NHS: variants seen among roughly 807,000 people sequenced by gnomAD.
The protein encoded by NHS is actin remodeling regulator NHS.
Under a neutral mutation model 72.5 loss-of-function variants are expected in NHS, and 5 were observed. That is an observed-to-expected ratio of 0.07 (90% confidence interval 0.04 to 0.14). The LOEUF is 0.14. NHS is among the 10% of genes least tolerant of loss of function. The probability of loss-of-function intolerance (pLI) is 1.00; values close to 1 mark genes in which losing one functional copy is unlikely to be tolerated. For missense variants in NHS, 1,072 were observed against 1,355.7 expected, an observed-to-expected ratio of 0.79 and a Z score of 3.29; for synonymous variants, 464 against 547.7, an observed-to-expected ratio of 0.85 and a Z score of 2.13.
chrX:17,433,837 A>G (rs1331394978), intron 1 of NHS, among the ~76,000 whole-genome samples: 3 of 112,091 alleles, frequency 2.7e-5, no homozygotes, highest in African/African-American at 9.8e-5. Context: ...GTTTTGGTAA[A>G]TTGGTGCAGT....
At chrX:17,662,369 T>G (rs758864573) in intron 1 of NHS, among the ~76,000 whole-genome samples, 2 of 111,598 alleles carry the variant, frequency 1.8e-5, no homozygotes, top group Non-Finnish European at 3.8e-5. Flanking sequence ...TCCCCCAAAG[T>G]TGTATTTTGT....
chrX:17,702,635 C>T (rs1295522056), intron 3 of NHS, among the ~76,000 whole-genome samples: 2 of 111,075 alleles, frequency 1.8e-5, no homozygotes, highest in South Asian at 3.8e-4. Flanking sequence ...TGCAGTGAGC[C>T]GAGATTGCAC....
chrX:17,427,612 C>A (rs1193354224), intron 1 of NHS, among the ~76,000 whole-genome samples: 1 of 112,046 alleles, frequency 8.9e-6, no homozygotes. Context: ...AAAGCACAAG[C>A]TATGTGAAGG....
chrX:17,676,358 G>A (rs962428506), intron 1 of NHS, among the ~76,000 whole-genome samples: 8 of 111,323 alleles, frequency 7.2e-5, no homozygotes, highest in African/African-American at 2.3e-4. Context: ...CATCTTCATG[G>A]GTGCATTGCC....
intron 1 of NHS, among the ~76,000 whole-genome samples, chrX:17,513,469 G>A (rs1186220561): frequency 1.8e-5 from 2 of 112,449 alleles, no homozygotes; most frequent in Non-Finnish European, 3.8e-5. Context: ...CAGGCTGCAA[G>A]TTCAATGTTT....
chrX:17,639,438 T>A (rs1441044923), intron 1 of NHS, among the ~76,000 whole-genome samples: 2 of 111,293 alleles, frequency 1.8e-5, no homozygotes, highest in African/African-American at 6.5e-5. Context: ...CAAGATCAAG[T>A]GGTTGCATCT....
At chrX:17,602,262 G>A (rs1292070665) in intron 1 of NHS, among the ~76,000 whole-genome samples, 2 of 112,111 alleles carry the variant, frequency 1.8e-5, no homozygotes, top group Non-Finnish European at 1.9e-5. Flanking sequence ...GCATTCCTTG[G>A]TGAACTAGGT....
At chrX:17,637,394 C>T (rs1289931739) in intron 1 of NHS, among the ~76,000 whole-genome samples, 4 of 111,219 alleles carry the variant, frequency 3.6e-5, no homozygotes, top group South Asian at 7.7e-4. Flanking sequence ...AGGGACTGGG[C>T]GGGGGTGGTG....
chrX:17,504,852 G>A (rs191429743), intron 1 of NHS, among the ~76,000 whole-genome samples: 21 of 111,731 alleles, frequency 1.9e-4, no homozygotes, highest in African/African-American at 5.5e-4. Flanking sequence ...TAAAATACAT[G>A]TACACTGTTA....
At chrX:17,543,412 C>T (rs1169598163) in intron 1 of NHS, among the ~76,000 whole-genome samples, 1 of 112,092 alleles carries the variant, frequency 8.9e-6, no homozygotes, top group African/African-American at 3.2e-5. Flanking sequence ...GAAAAACTAA[C>T]ATAACTAGGA....
chrX:17,413,015 C>T (rs2064569377), intron 1 of NHS, among the ~76,000 whole-genome samples: 1 of 112,287 alleles, frequency 8.9e-6, no homozygotes, highest in East Asian at 2.8e-4. Flanking sequence ...TTGTCAGCCT[C>T]CGATCTTAAC....
At chrX:17,523,838 A>T (rs772185666) in intron 1 of NHS, among the ~76,000 whole-genome samples, 1 of 112,085 alleles carries the variant, frequency 8.9e-6, no homozygotes, top group Admixed American at 9.4e-5. Flanking sequence ...TAAAGAGTTG[A>T]ACCATGGCCC....
intron 1 of NHS, among the ~76,000 whole-genome samples, chrX:17,505,023 T>G (rs767180788): frequency 8.1e-5 from 9 of 111,264 alleles, no homozygotes; most frequent in Admixed American, 1.9e-4. Flanking sequence ...TGTGTGTGTG[T>G]GTGAATATAT....
At chrX:17,407,338 T>G (rs1413297218) in intron 1 of NHS, among the ~76,000 whole-genome samples, 1 of 111,388 alleles carries the variant, frequency 9.0e-6, no homozygotes, top group Non-Finnish European at 1.9e-5. Flanking sequence ...CTTCTCCAAT[T>G]GCTTGATTTT....
At chrX:17,441,967 G>A (rs950067106) in intron 1 of NHS, among the ~76,000 whole-genome samples, 4 of 112,076 alleles carry the variant, frequency 3.6e-5, no homozygotes, top group African/African-American at 1.3e-4. Context: ...TAAACAAGAT[G>A]TTTGGGCTCA....
At chrX:17,479,477 A>G (rs2146908818) in intron 1 of NHS, among the ~76,000 whole-genome samples, 1 of 112,543 alleles carries the variant, frequency 8.9e-6, no homozygotes, top group African/African-American at 3.2e-5. Flanking sequence ...AGGAATCACC[A>G]CAATGTCTTC....
intron 1 of NHS, among the ~76,000 whole-genome samples, chrX:17,447,219 A>T (rs1245585522): frequency 8.9e-6 from 1 of 111,937 alleles, no homozygotes; most frequent in Non-Finnish European, 1.9e-5. Flanking sequence ...CTAAGGGGTG[A>T]TGTTTCACTG....
At chrX:17,570,606 C>A (rs2065472348) in intron 1 of NHS, among the ~76,000 whole-genome samples, 1 of 111,787 alleles carries the variant, frequency 8.9e-6, no homozygotes, top group Admixed American at 9.5e-5. Context: ...ACAATCATGT[C>A]ATCTGCAAAC....
At chrX:17,711,115 G>A (rs769497043) in intron 3 of NHS, among the ~76,000 whole-genome samples, 2 of 112,480 alleles carry the variant, frequency 1.8e-5, no homozygotes, top group African/African-American at 6.5e-5. Flanking sequence ...GCACTTCAAA[G>A]CCTGGCCTGC....
Sources: gnomAD v4.1 joint callset for allele counts (sites outside exome capture counted in the v4.1 genomes callset) on GRCh38, gnomAD v4.1.1 for gene constraint, MANE v1.5 for transcripts, NCBI Gene and HGNC (gene_info 2026-07-23, HGNC 2026-07-21) for gene names.